The following FSTL5 variants were observed in gnomAD, a reference collection of about 807,000 sequenced individuals.
FSTL5 encodes the protein follistatin like 5, also known as follistatin-related protein 5.
In FSTL5, 62 loss-of-function variants were observed where a neutral mutation model predicts 89.1. The observed-to-expected ratio is 0.70, with a 90% confidence interval of 0.57 to 0.86. The LOEUF is 0.86. Among genes scored for constraint, FSTL5 ranks in the 40% least tolerant of loss-of-function variants. The pLI, the probability that FSTL5 is intolerant of heterozygous loss-of-function variation, is 0.00. For missense variants in FSTL5, 1,057 were observed against 1,001.6 expected, an observed-to-expected ratio of 1.06 and a Z score of -0.75; for synonymous variants, 383 against 346.2, an observed-to-expected ratio of 1.11 and a Z score of -1.18.
intron 2 of FSTL5, among the ~76,000 whole-genome samples, chr4:162,052,719 G>A (rs1182122028): frequency 9.2e-5 from 14 of 151,660 alleles, no homozygotes; most frequent in African/African-American, 1.9e-4. Flanking sequence ...TTAAGCAAAC[G>A]CGTGTGACAA....
intron 7 of FSTL5, among the ~76,000 whole-genome samples, chr4:161,590,128 A>T (rs1047782930): frequency 6.6e-6 from 1 of 152,212 alleles, no homozygotes; most frequent in African/African-American, 2.4e-5. Flanking sequence ...TTTGCTGCTC[A>T]AAAGACATCA....
intron 3 of FSTL5, among the ~76,000 whole-genome samples, chr4:162,018,051 C>A (rs1736966571): frequency 6.6e-6 from 1 of 152,148 alleles, no homozygotes; most frequent in Non-Finnish European, 1.5e-5. Flanking sequence ...CTGTGAGTTG[C>A]CCTCCTCTGG....
chr4:161,976,226 G>C (rs1478736661), intron 3 of FSTL5, among the ~76,000 whole-genome samples: 1 of 151,946 alleles, frequency 6.6e-6, no homozygotes, highest in African/African-American at 2.4e-5. Flanking sequence ...TTGGCAGAAA[G>C]GCAGTAGATT....
intron 7 of FSTL5, among the ~76,000 whole-genome samples, chr4:161,607,928 G>T (rs1205851147): frequency 6.6e-6 from 1 of 152,130 alleles, no homozygotes; most frequent in Non-Finnish European, 1.5e-5. Flanking sequence ...GCTTCTTAAA[G>T]AAGTGTTGTT....
intron 6 of FSTL5, among the ~76,000 whole-genome samples, chr4:161,736,544 A>AT (rs1245306744): frequency 2.0e-5 from 3 of 152,136 alleles, no homozygotes; most frequent in Non-Finnish European, 4.4e-5. Context: ...AATCAAATGT[A>AT]ACTGAAAAAG....
intron 13 of FSTL5, among the ~76,000 whole-genome samples, chr4:161,465,787 C>T (rs1304552926): frequency 1.3e-5 from 2 of 152,148 alleles, no homozygotes; most frequent in Non-Finnish European, 2.9e-5. Flanking sequence ...TTGGAAATTT[C>T]TCTCCTACAT....
chr4:161,591,579 T>C (rs774400315), intron 7 of FSTL5, among the ~76,000 whole-genome samples: 23 of 152,200 alleles, frequency 1.5e-4, no homozygotes, highest in Non-Finnish European at 3.1e-4. Flanking sequence ...TGAAATCTTT[T>C]GTGAGTATGA....
At chr4:161,843,515 G>T (rs972997292) in intron 4 of FSTL5, among the ~76,000 whole-genome samples, 5 of 151,912 alleles carry the variant, frequency 3.3e-5, no homozygotes, top group African/African-American at 1.2e-4. Context: ...TATTCTCTTT[G>T]TAGCAATTGT....
chr4:161,608,632 AATAAT>A lies in FSTL5; in HGVS notation c.895-21062_895-21058del, dbSNP rs147319197. ...AAATCATGACTATGAATCTTTAAAAAATAATATAATAGGTTTCTAGAGTAAATGCA... is the reference window on the plus strand; with the variant it reads ...AAATCATGACTATGAATCTTTAAAAAATAATAGGTTTCTAGAGTAAATGCA... On this transcript the variant is annotated intron_variant, in intron 7 of 15. Transcript: ENST00000306100. Among the ~76,000 whole-genome samples the A allele has an allele frequency of 6.0e-3, 915 of 152,254 alleles. 7 individuals carry two copies. The highest frequency in any genetic ancestry group is 0.021 in the African/African-American group (870 of 41,580).
chr4:161,946,627 T>C (rs1204130118), intron 3 of FSTL5, among the ~76,000 whole-genome samples: 1 of 152,196 alleles, frequency 6.6e-6, no homozygotes, highest in Non-Finnish European at 1.5e-5. Flanking sequence ...AACATCAATA[T>C]CTGCTTACCC....
chr4:162,019,236 G>T, intron 3 of FSTL5, among the ~76,000 whole-genome samples: 1 of 151,868 alleles, frequency 6.6e-6, no homozygotes, highest in East Asian at 1.9e-4. Flanking sequence ...CACTAATCAC[G>T]ATATATGTAT....
intron 8 of FSTL5, among the ~76,000 whole-genome samples, chr4:161,557,718 T>C (rs1732440526): frequency 1.3e-5 from 2 of 151,756 alleles, no homozygotes; most frequent in African/African-American, 4.8e-5. Context: ...TATCATACTA[T>C]CATACTGTGA....
chr4:161,570,085 C>T (rs895370980), intron 8 of FSTL5, among the ~76,000 whole-genome samples: 1 of 152,072 alleles, frequency 6.6e-6, no homozygotes, highest in African/African-American at 2.4e-5. Flanking sequence ...TGGAATGTAT[C>T]CTTATTTCAA....
Position 162,157,509 on chromosome 4 carries a change from A to C in FSTL5, c.-17+6106T>G, listed in dbSNP as rs565106898. On this transcript the variant is annotated intron_variant, in intron 1 of 15. Coordinates refer to ENST00000306100, the MANE Select transcript of FSTL5 (RefSeq NM_020116.5). ...TAATTGTAGCTGCTGGAGTGAATAG[A>C]CTTCCTAGGGCTCCACAGAGAATCA... Among the ~76,000 whole-genome samples, 3 of 152,140 alleles carry C rather than the reference A, an allele frequency of 2.0e-5. No individual in the cohort carries two copies. The South Asian group carries it at 6.2e-4, about 32-fold the overall frequency.
At chr4:162,088,504 G>T (rs1304517703) in intron 2 of FSTL5, among the ~76,000 whole-genome samples, 2 of 152,040 alleles carry the variant, frequency 1.3e-5, no homozygotes, top group Non-Finnish European at 2.9e-5. Context: ...GTTAGTCGAA[G>T]TAATTTACTA....
intron 6 of FSTL5, among the ~76,000 whole-genome samples, chr4:161,736,769 T>C (rs895938307): frequency 2.0e-5 from 3 of 152,022 alleles, no homozygotes; most frequent in Non-Finnish European, 4.4e-5. Context: ...TTCCTCTGTA[T>C]GGGGTTAAAT....
At chr4:162,028,807 T>C (rs937847413) in intron 3 of FSTL5, among the ~76,000 whole-genome samples, 1 of 152,148 alleles carries the variant, frequency 6.6e-6, no homozygotes, top group Non-Finnish European at 1.5e-5. Flanking sequence ...CAATGTAATA[T>C]AGCTAATGGC....
At chr4:162,016,890 G>A (rs1353522740) in intron 3 of FSTL5, among the ~76,000 whole-genome samples, 3 of 150,792 alleles carry the variant, frequency 2.0e-5, no homozygotes, top group African/African-American at 4.9e-5. Flanking sequence ...GCATCTTTTG[G>A]AGACAGATAT....
chr4:161,821,307 C>T (rs1207115292), intron 4 of FSTL5, among the ~76,000 whole-genome samples: 1 of 152,050 alleles, frequency 6.6e-6, no homozygotes, highest in African/African-American at 2.4e-5. Context: ...CAAATTGCCA[C>T]GATGACCAGT....
Sources: gnomAD v4.1 joint callset for allele counts (sites outside exome capture counted in the v4.1 genomes callset) on GRCh38, gnomAD v4.1.1 for gene constraint, MANE v1.5 for transcripts, NCBI Gene and HGNC (gene_info 2026-07-23, HGNC 2026-07-21) for gene names.